Variants in INPP4A observed in about 807,000 individuals in gnomAD.
INPP4A encodes the protein inositol polyphosphate-4-phosphatase type I A, also known as inositol polyphosphate-4-phosphatase, type I, 107kD.
Under a neutral mutation model 119.8 loss-of-function variants are expected in INPP4A, and 33 were observed. That is an observed-to-expected ratio of 0.28 (90% CI 0.21 to 0.37). INPP4A has a LOEUF of 0.37. Among genes scored for constraint, INPP4A ranks in the 10% least tolerant of loss-of-function variants. INPP4A has a pLI of 1.00. For synonymous variants in INPP4A, 496 were observed against 500.7 expected (o/e 0.99, Z 0.12); for missense variants, 956 against 1,289.9 (o/e 0.74, Z 3.97).
At chr2:98,501,333 C>CA (rs113596202) in intron 1 of INPP4A, among the ~76,000 whole-genome samples, 7,347 of 147,996 alleles carry the variant, frequency 0.05, 227 homozygotes, top group African/African-American at 0.081. Flanking sequence ...GACTTTGTCT[C>CA]AAAAAAAAAA....
chr2:98,467,967 T>C (rs1343583574), intron 1 of INPP4A, among the ~76,000 whole-genome samples: 1 of 152,236 alleles, frequency 6.6e-6, no homozygotes, highest in Non-Finnish European at 1.5e-5. Flanking sequence ...AGATAACTTA[T>C]AAATGGGCTT....
At chr2:98,520,918 G>C (rs1156498913) in intron 4 of INPP4A, 187 bp downstream of exon 4, 1 of 511,270 alleles carries the variant, frequency 2.0e-6, no homozygotes, top group African/African-American at 2.0e-5. Flanking sequence ...GCACCTTGGA[G>C]CCTCCGTGCC....
intron 1 of INPP4A, among the ~76,000 whole-genome samples, chr2:98,476,809 G>A (rs1031313490): frequency 4.6e-5 from 7 of 152,190 alleles, no homozygotes; most frequent in African/African-American, 7.2e-5. Context: ...GGCCTGTGAC[G>A]ATAGCGGGTT....
intron 1 of INPP4A, among the ~76,000 whole-genome samples, chr2:98,492,663 G>C (rs754861316): frequency 6.6e-6 from 1 of 152,212 alleles, no homozygotes; most frequent in South Asian, 2.1e-4. Context: ...TCAGGTCCCA[G>C]GGGGAGGTGA....
In INPP4A at chr2:98,554,323, A is replaced by T. The variant is rs1216142672; in HGVS notation, c.1400A>T (p.His467Leu). The change falls in exon 15 of 25, where the codon CAT becomes CTT. Residue 467 changes from histidine to leucine, a missense_variant. By Grantham distance (99) the His-to-Leu change is moderately conservative (BLOSUM62 -3). Transcript: ENST00000409851. The surrounding 1 kb of genome is among the most constrained non-coding windows in gnomAD (Gnocchi z 4.7). ...TGCAAGCTCCTGGCCAACTCCATCCATGGGCTGAACGCTGCACGGCCTGAC... is the reference window on the plus strand; with the variant it reads ...TGCAAGCTCCTGGCCAACTCCATCCTTGGGCTGAACGCTGCACGGCCTGAC... ...CDCKLLANSIHGLNAARPDYI... is the reference protein window; with the variant it reads ...CDCKLLANSILGLNAARPDYI... 6.2e-7 allele frequency: 1 copy of T among 1,612,766 alleles called. No homozygotes were observed. Among genetic ancestry groups the T allele is most frequent in the South Asian group, 1.1e-5 (1 of 90,670 alleles).
intron 5 of INPP4A, among the ~76,000 whole-genome samples, chr2:98,534,840 G>C (rs901765806): frequency 1.3e-5 from 2 of 152,240 alleles, no homozygotes; most frequent in Non-Finnish European, 2.9e-5. Context: ...CAGAGACTTT[G>C]AAGGTGGACC....
At position 98,586,671 on chromosome 2, in the gene INPP4A, G is replaced by A. The variant is rs145334059; in HGVS notation, c.2787-805G>A. Among the ~76,000 whole-genome samples the A allele has an allele frequency of 1.6e-3, 248 of 152,296 alleles. 1 individual carries two copies. The highest frequency in any genetic ancestry group is 5.8e-3 in the African/African-American group (240 of 41,558). ...ATGCAGTGTTTGCTTTTGCCCCCTG[G>A]ATTGCCATGGCAACCCTCCATCAGA... On this transcript the variant is annotated intron_variant, in intron 24 of 24. Transcript: ENST00000409851.
intron 4 of INPP4A, among the ~76,000 whole-genome samples, chr2:98,522,716 G>T (rs1687451434): frequency 6.6e-6 from 1 of 151,644 alleles, no homozygotes; most frequent in Non-Finnish European, 1.5e-5. Flanking sequence ...GGTGTATTGT[G>T]GTGAAATTTC....
chr2:98,561,401 ATG>A (rs1695449065), intron 17 of INPP4A, among the ~76,000 whole-genome samples: 1 of 152,204 alleles, frequency 6.6e-6, no homozygotes, highest in Non-Finnish European at 1.5e-5. Flanking sequence ...CGTGGAAATC[ATG>A]TTACTGCCCA....
chr2:98,511,282 T>C (rs897944995), intron 1 of INPP4A, among the ~76,000 whole-genome samples: 1 of 152,186 alleles, frequency 6.6e-6, no homozygotes, highest in Non-Finnish European at 1.5e-5. Flanking sequence ...ATGGTCTCGA[T>C]CTCCTGACCT....
intron 23 of INPP4A, among the ~76,000 whole-genome samples, chr2:98,575,210 C>T (rs1460003460): frequency 2.0e-5 from 3 of 152,256 alleles, no homozygotes; most frequent in Non-Finnish European, 4.4e-5. Flanking sequence ...TGGGGAGACC[C>T]AGCAGTGCAC....
chr2:98,518,614 G>A (rs1457020608), intron 1 of INPP4A, among the ~76,000 whole-genome samples: 2 of 152,164 alleles, frequency 1.3e-5, no homozygotes, highest in Admixed American at 6.5e-5. Flanking sequence ...TGAAGGGCAG[G>A]GCCTTAAGAG....
At chr2:98,453,091 AG>A (rs1695513981) in intron 1 of INPP4A, among the ~76,000 whole-genome samples, 1 of 152,244 alleles carries the variant, frequency 6.6e-6, no homozygotes, top group African/African-American at 2.4e-5. Context: ...TGAAATAAAT[AG>A]CCACCTCCAC....
intron 1 of INPP4A, among the ~76,000 whole-genome samples, chr2:98,458,776 TG>T (rs2104588527): frequency 6.6e-6 from 1 of 152,048 alleles, no homozygotes; most frequent in East Asian, 1.9e-4. Flanking sequence ...ATGCAGAGAG[TG>T]AGGCATGGCC....
chr2:98,518,124 A>G (rs1686501315), intron 1 of INPP4A, among the ~76,000 whole-genome samples: 1 of 152,228 alleles, frequency 6.6e-6, no homozygotes, highest in African/African-American at 2.4e-5. Context: ...CCATTACTGT[A>G]AAAAGCAGAT....
intron 8 of INPP4A, among the ~76,000 whole-genome samples, chr2:98,538,618 T>G (rs1690775478): frequency 6.6e-6 from 1 of 152,226 alleles, no homozygotes; most frequent in Non-Finnish European, 1.5e-5. Flanking sequence ...TCATCTATTC[T>G]CTTCCTTTTC....
chr2:98,587,090 T>C (rs1275990220), intron 24 of INPP4A, among the ~76,000 whole-genome samples: 1 of 152,250 alleles, frequency 6.6e-6, no homozygotes, highest in Non-Finnish European at 1.5e-5. Context: ...AGTGCAACTT[T>C]AGTAAGAGTA....
At chr2:98,585,511 T>C (rs1350181729) in intron 24 of INPP4A, among the ~76,000 whole-genome samples, 1 of 152,248 alleles carries the variant, frequency 6.6e-6, no homozygotes, top group Non-Finnish European at 1.5e-5. Flanking sequence ...ACGTGATCAG[T>C]GGAGGTGTCC....
intron 1 of INPP4A, among the ~76,000 whole-genome samples, chr2:98,497,102 C>T (rs1682142413): frequency 6.6e-6 from 1 of 152,210 alleles, no homozygotes; most frequent in South Asian, 2.1e-4. Context: ...GCCGCTCTAG[C>T]CGTGGCTGAA....
Sources: gnomAD v4.1 joint callset for allele counts (sites outside exome capture counted in the v4.1 genomes callset) on GRCh38, gnomAD v4.1.1 for gene constraint, Gnocchi (gnomAD v3.1) non-coding constraint, MANE v1.5 for transcripts, NCBI Gene and HGNC (gene_info 2026-07-23, HGNC 2026-07-21) for gene names.